Variants in KLF16 observed in about 807,000 individuals in gnomAD.
The protein encoded by KLF16 is Krueppel-like factor 16.
In KLF16, 6 loss-of-function variants were observed where a neutral mutation model predicts 6.1. That is an observed-to-expected ratio of 0.98 (90% CI 0.54 to 1.93). KLF16 has a LOEUF of 1.93. Among genes scored for constraint, KLF16 ranks in the 30% most tolerant of loss-of-function variants. KLF16 has a pLI of 0.01. For missense variants in KLF16, 355 were observed against 363.8 expected, an observed-to-expected ratio of 0.98 and a Z score of 0.20; for synonymous variants, 211 against 176.5, an observed-to-expected ratio of 1.20 and a Z score of -1.55.
At chr19:1,865,891 C>A (rs1294063567), upstream of KLF16, among the ~76,000 whole-genome samples, 1 of 152,232 alleles carries the variant, frequency 6.6e-6, no homozygotes, top group African/African-American at 2.4e-5. Context: ...CCACCGGGTG[C>A]GGTGGCTCAC....
chr19:1,863,523 G>A lies in KLF16; in HGVS notation c.-26C>T, dbSNP rs1453024402. On this transcript the variant is annotated 5_prime_UTR_variant, in exon 1 of 2. Transcript: ENST00000250916. ...GCCGAGCAAGGGCGCGCGGCGCGGC[G>A]GGCGGAGCGGAGGCGGCGGGAGCGG... 1.0e-6 allele frequency: 1 copy of A among 979,676 alleles called. No homozygotes were observed. The highest frequency in any genetic ancestry group is 4.5e-5 in the South Asian group (1 of 22,396). The allele number at this position is 979,676 out of a possible 1,614,324, so 60.7% of individuals were successfully genotyped here.
chr19:1,852,425 T>C lies in KLF16; in HGVS notation c.*2034A>G, dbSNP rs2011853199. ...AGGGTTTAAAAAGGGGCTTGTTTAATTAATTAAATACAAGGATGAGGCCAG... is the reference window on the plus strand; with the variant it reads ...AGGGTTTAAAAAGGGGCTTGTTTAACTAATTAAATACAAGGATGAGGCCAG... On this transcript the variant is annotated 3_prime_UTR_variant, in exon 2 of 2. Transcript: ENST00000250916. 6.6e-6 allele frequency: 1 copy of C among 151,686 alleles called. No individual in the cohort carries two copies. Among genetic ancestry groups the C allele is most frequent in the Non-Finnish European group, 1.5e-5 (1 of 67,732 alleles). The allele number at this position is 151,686 out of a possible 1,614,324, so 9.4% of individuals were successfully genotyped here.
At chr19:1,862,902 C>A (rs2012098104) in intron 1 of KLF16, 139 bp downstream of exon 1, 1 of 264,868 alleles carries the variant, frequency 3.8e-6, no homozygotes, top group African/African-American at 2.4e-5. Context: ...ACCGAGGCCC[C>A]GCCCTGCCGG....
intron 1 of KLF16, among the ~76,000 whole-genome samples, chr19:1,859,369 G>C (rs2012017170): frequency 6.6e-6 from 1 of 152,032 alleles, no homozygotes; most frequent in South Asian, 2.1e-4. Context: ...CTCCAACCCA[G>C]TGCGTAGACC....
chr19:1,858,492 G>T (rs181550244), intron 1 of KLF16, among the ~76,000 whole-genome samples: 5 of 152,174 alleles, frequency 3.3e-5, no homozygotes, highest in African/African-American at 1.2e-4. Flanking sequence ...GGAGCAGAAG[G>T]CAGGCACTTC....
chr19:1,864,613 A>G (rs2012154289), upstream of KLF16, among the ~76,000 whole-genome samples: 2 of 152,264 alleles, frequency 1.3e-5, no homozygotes, highest in Non-Finnish European at 2.9e-5. Context: ...TGAGCGGGTC[A>G]GAGGTTCCCC....
chr19:1,867,409 A>G (rs1423519688), upstream of KLF16, among the ~76,000 whole-genome samples: 2 of 152,224 alleles, frequency 1.3e-5, no homozygotes, highest in African/African-American at 4.8e-5. Flanking sequence ...TGTCTGCATA[A>G]AAAACAAATT....
At chr19:1,861,644 G>C (rs2043450681) in intron 1 of KLF16, 2 of 152,276 alleles carry the variant, frequency 1.3e-5, no homozygotes, top group African/African-American at 4.8e-5. Context: ...GGTGGGCAGA[G>C]CCTCCAGGCC....
chr19:1,856,564 C>G (rs990543459), intron 1 of KLF16, among the ~76,000 whole-genome samples: 5 of 152,160 alleles, frequency 3.3e-5, no homozygotes, highest in African/African-American at 1.2e-4. Context: ...CCCAAGCAAC[C>G]CAGGATGCAG....
At chr19:1,855,778 G>A (rs1272456327) in intron 1 of KLF16, among the ~76,000 whole-genome samples, 1 of 152,172 alleles carries the variant, frequency 6.6e-6, no homozygotes, top group Non-Finnish European at 1.5e-5. Context: ...CTCCACCCAG[G>A]GACCGAAGCA....
intron 1 of KLF16, among the ~76,000 whole-genome samples, chr19:1,855,153 T>C (rs2011922479): frequency 6.6e-6 from 1 of 152,166 alleles, no homozygotes. Context: ...ACAGGCACGC[T>C]CAGAAGGCAT....
At chr19:1,874,644 GA>G in the KLF16 span, among the ~76,000 whole-genome samples, 2 of 138,654 alleles carry the variant, frequency 1.4e-5, no homozygotes, top group African/African-American at 5.3e-5. Context: ...TTAGCTTAAA[GA>G]AAAAAATACA....
In KLF16 at chr19:1,852,740, GCATCTCA is replaced by G. The variant is rs2011860652; in HGVS notation, c.*1712_*1718del. 1 of 152,232 alleles carries G rather than the reference GCATCTCA, an allele frequency of 6.6e-6. No individual in the cohort carries two copies. The highest frequency in any genetic ancestry group is 1.5e-5 in the Non-Finnish European group (1 of 68,182). 9.4% of individuals were successfully genotyped at this position (152,232 alleles called of 1,614,324 possible). On this transcript the variant is annotated 3_prime_UTR_variant, in exon 2 of 2. Coordinates refer to ENST00000250916, the MANE Select transcript of KLF16 (RefSeq NM_031918.4). ...CCCCCACCCACCCCCACAGACTAAG[GCATCTCA>G]CTAGCGCTGCCAGAAGAGGGTTTGA...
the KLF16 span, chr19:1,876,061 G>C: frequency 6.6e-6 from 1 of 152,346 alleles, no homozygotes; most frequent in South Asian, 2.1e-4. Flanking sequence ...GAAAGGGGCA[G>C]GGCCGAGCCG....
upstream of KLF16, among the ~76,000 whole-genome samples, chr19:1,866,249 A>G (rs931017395): frequency 2.0e-5 from 3 of 151,768 alleles, no homozygotes; most frequent in Non-Finnish European, 2.9e-5. Flanking sequence ...TGGAGGTTGC[A>G]GTGAGTTGAG....
chr19:1,866,028 G>T (rs928275853), upstream of KLF16, among the ~76,000 whole-genome samples: 2 of 152,240 alleles, frequency 1.3e-5, no homozygotes, highest in Non-Finnish European at 2.9e-5. Context: ...TGCAGGCCGG[G>T]TGCAGTGGCT....
chr19:1,866,767 C>A (rs1385896014), upstream of KLF16, among the ~76,000 whole-genome samples: 1 of 133,928 alleles, frequency 7.5e-6, no homozygotes, highest in African/African-American at 2.9e-5. Flanking sequence ...CAGAGTGGGA[C>A]CCTGTCTCAA....
Position 1,863,169 on chromosome 19 carries a change from G to T in KLF16, c.329C>A (p.Pro110Gln), listed in dbSNP as rs765016375. The change falls in exon 1 of 2, where the codon CCG (proline) becomes CAG (glutamine). Residue 110 changes from proline (P) to glutamine (Q), a missense_variant. Transcript: ENST00000250916. ...PASSSSAASS[P>Q]SSGRAPGAAP... Reference sequence around the variant, plus strand: ...GGCGCCGGGGGCGCGGCCCGAGGACGGGGACGAGGCGGCTGAGGAGGAGGA... The same window carrying T: ...GGCGCCGGGGGCGCGGCCCGAGGACTGGGACGAGGCGGCTGAGGAGGAGGA... 8.7e-6 allele frequency: 11 copies of T among 1,262,672 alleles called. No individual in the cohort carries two copies. The highest frequency in any genetic ancestry group is 1.1e-5 in the Non-Finnish European group (11 of 988,244). The allele number at this position is 1,262,672 out of a possible 1,614,324, so 78.2% of individuals were successfully genotyped here.
At chr19:1,873,990 G>A in the KLF16 span, among the ~76,000 whole-genome samples, 10 of 152,350 alleles carry the variant, frequency 6.6e-5, no homozygotes, top group Admixed American at 4.6e-4. Flanking sequence ...ATCGCGCACC[G>A]TGAATATCCA....
Sources: gnomAD v4.1 joint callset for allele counts (sites outside exome capture counted in the v4.1 genomes callset) on GRCh38, gnomAD v4.1.1 for gene constraint, MANE v1.5 for transcripts, NCBI Gene and HGNC (gene_info 2026-07-23, HGNC 2026-07-21) for gene names.